The following ARHGAP15 variants were observed in gnomAD, a reference collection of about 807,000 sequenced individuals.
The protein encoded by ARHGAP15 is Rho GTPase activating protein 15.
A neutral mutation model predicts 63.7 loss-of-function variants in ARHGAP15; 51 were observed. The ratio of observed to expected loss-of-function variants is 0.80; its 90% CI spans 0.64 to 1.01. The LOEUF is 1.01. Ranked by LOEUF, ARHGAP15 falls within the 50% of genes least tolerant of loss-of-function variation. ARHGAP15 has a pLI of 0.00. For missense variants in ARHGAP15, 560 were observed against 564.6 expected, an observed-to-expected ratio of 0.99 and a Z score of 0.08; for synonymous variants, 191 against 193.8, an observed-to-expected ratio of 0.99 and a Z score of 0.12.
chr2:143,755,274 T>TGGGG (rs11298875), intron 13 of ARHGAP15, among the ~76,000 whole-genome samples: 17 of 134,344 alleles, frequency 1.3e-4, no homozygotes, highest in African/African-American at 4.7e-4. Context: ...CCAGCATATA[T>TGGGG]GGGGGGGGGG....
chr2:143,350,023 T>TA (rs1685484509), intron 6 of ARHGAP15, among the ~76,000 whole-genome samples: 1 of 152,190 alleles, frequency 6.6e-6, no homozygotes. Flanking sequence ...GCACTTATTA[T>TA]AAAATATCTC....
intron 6 of ARHGAP15, among the ~76,000 whole-genome samples, chr2:143,348,825 A>T (rs183220239): frequency 6.6e-6 from 1 of 152,332 alleles, no homozygotes; most frequent in Non-Finnish European, 1.5e-5. Context: ...CTTCTAGAAA[A>T]TGCTGAAAAT....
chr2:143,413,156 G>T (rs755323304), intron 6 of ARHGAP15, among the ~76,000 whole-genome samples: 5 of 152,146 alleles, frequency 3.3e-5, no homozygotes, highest in Non-Finnish European at 7.4e-5. Flanking sequence ...ATATTAAAAA[G>T]TACAGAGATA....
intron 11 of ARHGAP15, among the ~76,000 whole-genome samples, chr2:143,586,921 C>G (rs760684358): frequency 6.6e-6 from 1 of 151,936 alleles, no homozygotes; most frequent in African/African-American, 2.4e-5. Context: ...CTCTTTCTCT[C>G]CTCCTCCATC....
rs1429500345 is a variant in ARHGAP15, at chr2:143,412,635, G to A, written c.475-22966G>A. 2.6e-5 allele frequency among the ~76,000 whole-genome samples: 4 copies of A among 152,046 alleles called. No individual in the cohort carries two copies. The East Asian group carries it at 7.7e-4, about 29-fold the overall frequency. On this transcript the variant is annotated intron_variant, in intron 6 of 13. Transcript: ENST00000295095. ...GTCTTTAGTTTTTGTATTTACTTAT[G>A]GTATAGCTAGGACGGATTTTTTAAA...
At chr2:143,140,089 T>G (rs566207370) in intron 1 of ARHGAP15, among the ~76,000 whole-genome samples, 1 of 152,286 alleles carries the variant, frequency 6.6e-6, no homozygotes, top group Admixed American at 6.5e-5. Context: ...AAGAGTGACT[T>G]TTTTTTCTTC....
intron 6 of ARHGAP15, among the ~76,000 whole-genome samples, chr2:143,303,215 G>A (rs1383120545): frequency 2.0e-5 from 3 of 151,986 alleles, no homozygotes; most frequent in African/African-American, 7.2e-5. Flanking sequence ...TATCATCCAA[G>A]TGAACAGGCA....
intron 11 of ARHGAP15, among the ~76,000 whole-genome samples, chr2:143,578,314 G>A (rs1260338244): frequency 4.6e-5 from 7 of 152,054 alleles, no homozygotes; most frequent in Non-Finnish European, 1.0e-4. Context: ...CTAAGCACAT[G>A]TTGTCATTCA....
chr2:143,137,407 A>G (rs1022338329), intron 1 of ARHGAP15, among the ~76,000 whole-genome samples: 1 of 152,064 alleles, frequency 6.6e-6, no homozygotes, highest in African/African-American at 2.4e-5. Flanking sequence ...AGATGTGTGA[A>G]TTTTCCTGGT....
intron 11 of ARHGAP15, among the ~76,000 whole-genome samples, chr2:143,562,157 C>T (rs1457922238): frequency 6.6e-6 from 1 of 152,082 alleles, no homozygotes; most frequent in Non-Finnish European, 1.5e-5. Flanking sequence ...TCAACTGTAC[C>T]TAAACTACTT....
chr2:143,214,222 G>GT (rs1311681874), intron 3 of ARHGAP15, among the ~76,000 whole-genome samples: 9 of 152,190 alleles, frequency 5.9e-5, no homozygotes, highest in Non-Finnish European at 8.8e-5. Context: ...GGTTTTTGTA[G>GT]TTTTTTTGGT....
chr2:143,626,616 C>T (rs1042660150), intron 12 of ARHGAP15, among the ~76,000 whole-genome samples: 1 of 152,114 alleles, frequency 6.6e-6, no homozygotes, highest in Non-Finnish European at 1.5e-5. Context: ...TGTCCCCTCC[C>T]ATGTTCTGTT....
intron 5 of ARHGAP15, chr2:143,236,079 T>G: frequency 2.2e-6 from 3 of 1,351,932 alleles, no homozygotes; most frequent in Non-Finnish European, 2.9e-6. Flanking sequence ...GAACATCCAT[T>G]CATTTATTCT....
chr2:143,323,435 ATTGACT>A (rs1341505030), intron 6 of ARHGAP15, among the ~76,000 whole-genome samples: 2 of 152,206 alleles, frequency 1.3e-5, no homozygotes, highest in African/African-American at 2.4e-5. Flanking sequence ...GAATGTGGGA[ATTGACT>A]TGGACTTGAT....
intron 11 of ARHGAP15, among the ~76,000 whole-genome samples, chr2:143,560,075 G>A (rs1695960334): frequency 6.6e-6 from 1 of 152,120 alleles, no homozygotes; most frequent in Non-Finnish European, 1.5e-5. Context: ...TAACTTTCTT[G>A]AATGCTATAA....
intron 6 of ARHGAP15, among the ~76,000 whole-genome samples, chr2:143,397,227 G>C (rs1458936844): frequency 6.9e-6 from 1 of 145,924 alleles, no homozygotes; most frequent in Non-Finnish European, 1.5e-5. Context: ...CAATGAAGTA[G>C]TTGTGAAGAT....
At chr2:143,585,377 T>G (rs1370464169) in intron 11 of ARHGAP15, among the ~76,000 whole-genome samples, 1 of 152,140 alleles carries the variant, frequency 6.6e-6, no homozygotes, top group Non-Finnish European at 1.5e-5. Flanking sequence ...CATCATCTAG[T>G]CATTTCATAA....
At chr2:143,232,290 A>T (rs1039303463) in intron 5 of ARHGAP15, among the ~76,000 whole-genome samples, 1 of 152,210 alleles carries the variant, frequency 6.6e-6, no homozygotes, top group African/African-American at 2.4e-5. Context: ...GGATAAAATT[A>T]TCAGAATAAA....
At chr2:143,192,140 G>A (rs1338967904) in intron 2 of ARHGAP15, among the ~76,000 whole-genome samples, 1 of 152,194 alleles carries the variant, frequency 6.6e-6, no homozygotes, top group Non-Finnish European at 1.5e-5. Context: ...ATTCCACAAT[G>A]TCAAATTCTT....
Sources: gnomAD v4.1 joint callset for allele counts (sites outside exome capture counted in the v4.1 genomes callset) on GRCh38, gnomAD v4.1.1 for gene constraint, MANE v1.5 for transcripts, NCBI Gene and HGNC (gene_info 2026-07-23, HGNC 2026-07-21) for gene names.